Variants in EEF2K observed in about 807,000 individuals in gnomAD.
The protein encoded by EEF2K is alternative protein EEF2K.
EEF2K carries 70 observed loss-of-function variants against 93.8 expected under a neutral mutation model. The observed-to-expected ratio is 0.75, with a 90% CI of 0.62 to 0.91. EEF2K has a LOEUF of 0.91. Among genes scored for constraint, EEF2K ranks in the 40% least tolerant of loss-of-function variants. The pLI is 0.00. For missense variants in EEF2K, 935 were observed against 972.9 expected (o/e 0.96, Z 0.52); for synonymous variants, 376 against 380.8 (o/e 0.99, Z 0.15).
chr16:22,246,260 G>A (rs2047289835), intron 3 of EEF2K, among the ~76,000 whole-genome samples: 1 of 152,108 alleles, frequency 6.6e-6, no homozygotes, highest in African/African-American at 2.4e-5. Flanking sequence ...GGTGGCTCAT[G>A]CCTGTAATCC....
At chr16:22,238,825 C>T (rs1419733251) in intron 2 of EEF2K, among the ~76,000 whole-genome samples, 1 of 152,068 alleles carries the variant, frequency 6.6e-6, no homozygotes, top group Non-Finnish European at 1.5e-5. Flanking sequence ...GCTTCCATTC[C>T]CCACCTGATG....
Position 22,287,508 on chromosome 16 carries a change from C to T in EEF2K, c.*3512C>T, listed in dbSNP as rs933918145. 2.6e-5 allele frequency: 4 copies of T among 152,286 alleles called. No homozygotes were observed. Among genetic ancestry groups the T allele is most frequent in the African/African-American group, 9.6e-5 (4 of 41,558 alleles). The allele number at this position is 152,286 out of a possible 1,614,324, so 9.4% of individuals were successfully genotyped here. Reference sequence around the variant, plus strand: ...CACAAATGGAGAAACCGAGGTTCTGCCAGCTAGATTTTTTTTCACAGTGTC... The same window carrying T: ...CACAAATGGAGAAACCGAGGTTCTGTCAGCTAGATTTTTTTTCACAGTGTC... On this transcript the variant is annotated 3_prime_UTR_variant, in exon 18 of 18. Transcript: ENST00000263026.
chr16:22,251,413 C>CT, intron 6 of EEF2K, 91 bp downstream of exon 6: 33 of 1,367,232 alleles, frequency 2.4e-5, no homozygotes, highest in Middle Eastern at 2.5e-4. Flanking sequence ...CCTATTTCAC[C>CT]TTCTTTTTTT....
chr16:22,255,669 CAA>C (rs2047391437), intron 6 of EEF2K, among the ~76,000 whole-genome samples: 1 of 152,156 alleles, frequency 6.6e-6, no homozygotes. Flanking sequence ...TGCTGGAAGA[CAA>C]GAGGATTGCT....
At chr16:22,244,534 T>C in intron 2 of EEF2K, 96 bp from the exon 3 acceptor site, 1 of 1,170,186 alleles carries the variant, frequency 8.5e-7, no homozygotes, top group South Asian at 1.3e-5. Flanking sequence ...ACTGTCTGCC[T>C]CTCCAGAGGA....
chr16:22,249,251 G>A (rs1246342467), intron 4 of EEF2K, among the ~76,000 whole-genome samples: 6 of 149,830 alleles, frequency 4.0e-5, no homozygotes, highest in South Asian at 4.2e-4. Context: ...GATTATAGGC[G>A]TAAGCCACCA....
chr16:22,224,643 AAAAAGAAAAG>A (rs200572711), intron 1 of EEF2K, among the ~76,000 whole-genome samples: 3 of 140,232 alleles, frequency 2.1e-5, no homozygotes, highest in Non-Finnish European at 4.5e-5. Context: ...TCTCAAAAAA[AAAAAGAAAAG>A]AAAAGAAAAA....
intron 14 of EEF2K, 81 bp downstream of exon 14, chr16:22,266,605 T>A (rs1225834959): frequency 6.3e-7 from 1 of 1,592,218 alleles, no homozygotes; most frequent in Non-Finnish European, 8.6e-7. Flanking sequence ...GCTAATCACT[T>A]CCTCCCGCAG....
chr16:22,274,829 G>A (rs2047619191), intron 16 of EEF2K, among the ~76,000 whole-genome samples: 1 of 151,812 alleles, frequency 6.6e-6, no homozygotes, highest in Non-Finnish European at 1.5e-5. Context: ...GACTGGTCTC[G>A]AACTCCTGGG....
intron 11 of EEF2K, among the ~76,000 whole-genome samples, chr16:22,261,944 G>T (rs2047468103): frequency 2.6e-5 from 4 of 151,380 alleles, no homozygotes; most frequent in Admixed American, 2.6e-4. Context: ...GGTGGAGGTT[G>T]CAGTGAGCTG....
intron 2 of EEF2K, among the ~76,000 whole-genome samples, chr16:22,228,742 T>A (rs1329864709): frequency 1.3e-5 from 2 of 152,120 alleles, no homozygotes; most frequent in African/African-American, 4.8e-5. Context: ...TCTTGACCAG[T>A]CAACTTTGAA....
In EEF2K at chr16:22,273,699, T is replaced by A. The variant is rs1381671238; in HGVS notation, c.1838T>A (p.Met613Lys). Residue 613 changes from methionine to lysine, a missense_variant, in exon 16 of 18, where the codon ATG (methionine) becomes AAG (lysine). Transcript: ENST00000263026. ...GCTGAAGCTGGCGACAGGCAGTCCA[T>A]GATCCTAGTGGCGCGAGCTTTTGAC... The part of the protein sequence containing the change: ...KAAEAGDRQS[M>K]ILVARAFDSG... The A allele has an allele frequency of 1.9e-6, 3 of 1,614,020 alleles. No homozygotes were observed. Among genetic ancestry groups the A allele is most frequent in the Non-Finnish European group, 2.5e-6 (3 of 1,180,020 alleles).
chr16:22,222,216 CAG>C (rs1013919290), intron 1 of EEF2K, among the ~76,000 whole-genome samples: 5 of 151,664 alleles, frequency 3.3e-5, no homozygotes, highest in African/African-American at 1.2e-4. Flanking sequence ...TTTTTGGAGA[CAG>C]GGTCTTGCTG....
intron 5 of EEF2K, among the ~76,000 whole-genome samples, 171 bp downstream of exon 5, chr16:22,250,862 G>A (rs909327867): frequency 1.3e-5 from 2 of 152,192 alleles, no homozygotes; most frequent in African/African-American, 4.8e-5. Context: ...GGGCCTGGCT[G>A]TGACGATGGG....
intron 13 of EEF2K, among the ~76,000 whole-genome samples, chr16:22,266,135 T>C (rs143626995): frequency 8.4e-4 from 128 of 151,954 alleles, no homozygotes; most frequent in African/African-American, 3.0e-3. Flanking sequence ...GGCAGAAGAA[T>C]CGCTTGAACC....
At chr16:22,233,521 A>C (rs1257519698) in intron 2 of EEF2K, among the ~76,000 whole-genome samples, 3 of 148,564 alleles carry the variant, frequency 2.0e-5, no homozygotes, top group African/African-American at 7.4e-5. Flanking sequence ...TCTACTAAAA[A>C]TACAAAAAAA....
intron 3 of EEF2K, 83 bp from the exon 4 acceptor site, chr16:22,248,672 C>T: frequency 1.3e-6 from 2 of 1,550,396 alleles, no homozygotes; most frequent in Admixed American, 3.4e-5. Context: ...AGTGGGGAGC[C>T]CAGAAGGGTC....
At chr16:22,248,087 CAG>C (rs1236972132) in intron 3 of EEF2K, among the ~76,000 whole-genome samples, 2 of 151,948 alleles carry the variant, frequency 1.3e-5, no homozygotes, top group East Asian at 1.9e-4. Flanking sequence ...TCTTTTGAGA[CAG>C]AGTCTCGCTC....
chr16:22,249,816 T>C (rs1342259853), intron 4 of EEF2K, among the ~76,000 whole-genome samples: 1 of 151,434 alleles, frequency 6.6e-6, no homozygotes, highest in African/African-American at 2.4e-5. Context: ...AGTTTTGCTC[T>C]TGTTGCCCAG....
Sources: allele counts gnomAD v4.1 joint callset (sites outside exome capture counted in the v4.1 genomes callset), GRCh38; gene constraint gnomAD v4.1.1; transcripts MANE v1.5; gene names NCBI Gene and HGNC (gene_info 2026-07-23, HGNC 2026-07-21).